TTC6: variants seen among roughly 807,000 people sequenced by gnomAD.
TTC6 encodes the protein tetratricopeptide repeat protein 6.
A neutral mutation model predicts 210.4 loss-of-function variants in TTC6; 172 were observed. That is an observed-to-expected ratio of 0.82 (90% CI 0.72 to 0.93). The LOEUF is 0.93. Ranked by LOEUF, TTC6 falls within the 40% of genes least tolerant of loss-of-function variation. The probability of loss-of-function intolerance (pLI) is 0.00; values close to 1 mark genes in which losing one functional copy is unlikely to be tolerated. For missense variants in TTC6, 2,414 were observed against 2,318.1 expected, an observed-to-expected ratio of 1.04 and a Z score of -0.85; for synonymous variants, 804 against 819.6, an observed-to-expected ratio of 0.98 and a Z score of 0.32.
At chr14:37,623,057 T>A (rs2095654517) in intron 1 of TTC6, 54 bp downstream of exon 3, 2 of 1,298,602 alleles carry the variant, frequency 1.5e-6, no homozygotes, top group Non-Finnish European at 2.1e-6. Flanking sequence ...TTGGGTTACA[T>A]TACATATGTA....
At chr14:37,785,704 A>G (rs191660535) in intron 14 of TTC6, among the ~76,000 whole-genome samples, 1 of 152,248 alleles carries the variant, frequency 6.6e-6, no homozygotes, top group Admixed American at 6.5e-5. Context: ...GAGGTGCTCT[A>G]ATTTTTAGAA....
In TTC6 at chr14:37,757,422, G is replaced by A. The variant is rs1202063585; in HGVS notation, c.3266+4187G>A. Among the ~76,000 whole-genome samples the A allele has an allele frequency of 4.0e-5, 6 of 151,770 alleles. No homozygotes were observed. In the South Asian group the frequency reaches 6.3e-4, roughly 16 times the overall value. ...ACTACAGGTGTCTGCCACCATGCCC[G>A]GCTAATTTTTTATTTTTATTTTTTG... On this transcript the variant is annotated intron_variant, in intron 14 of 30. Transcript: ENST00000553443.
chr14:37,658,958 T>C (rs1277332332), intron 1 of TTC6, among the ~76,000 whole-genome samples: 1 of 152,082 alleles, frequency 6.6e-6, no homozygotes, highest in African/African-American at 2.4e-5. Context: ...CCAGTATCTG[T>C]TGCTCCCTTG....
intron 1 of TTC6, among the ~76,000 whole-genome samples, chr14:37,653,322 C>G (rs2095716249): frequency 6.6e-6 from 1 of 152,210 alleles, no homozygotes; most frequent in African/African-American, 2.4e-5. Flanking sequence ...TCCTTTCATT[C>G]CAACATCCTT....
chr14:37,830,733 A>T (rs994920005), intron 29 of TTC6, among the ~76,000 whole-genome samples: 7 of 127,244 alleles, frequency 5.5e-5, no homozygotes, highest in Admixed American at 4.5e-4. Context: ...TTCCTTAAAA[A>T]TTTTTTTCTA....
At chr14:37,770,311 T>C (rs2139173891) in intron 14 of TTC6, among the ~76,000 whole-genome samples, 1 of 152,316 alleles carries the variant, frequency 6.6e-6, no homozygotes, top group South Asian at 2.1e-4. Context: ...TGTAGATGTC[T>C]ATTAGGTCTG....
chr14:37,604,522 A>C (rs969913905), intron 1 of TTC6, among the ~76,000 whole-genome samples: 1 of 152,032 alleles, frequency 6.6e-6, no homozygotes, highest in African/African-American at 2.4e-5. Flanking sequence ...GGCTCCTGAG[A>C]GTATTGTCGG....
intron 16 of TTC6, among the ~76,000 whole-genome samples, chr14:37,791,087 A>G (rs1322334661): frequency 2.0e-5 from 3 of 152,310 alleles, no homozygotes; most frequent in South Asian, 2.1e-4. Context: ...CAGGAGTTAA[A>G]TCTATGGATA....
intron 5 of TTC6, among the ~76,000 whole-genome samples, chr14:37,707,535 T>G (rs533690587): frequency 6.6e-6 from 1 of 152,208 alleles, no homozygotes; most frequent in East Asian, 1.9e-4. Flanking sequence ...GAGACTGCTA[T>G]GGCATTTACA....
intron 14 of TTC6, among the ~76,000 whole-genome samples, chr14:37,769,455 T>C (rs2096010698): frequency 6.6e-6 from 1 of 152,132 alleles, no homozygotes. Context: ...GTTGGTAAGC[T>C]ATTGATTATT....
chr14:37,730,346 T>G (rs1254842206), intron 7 of TTC6, among the ~76,000 whole-genome samples: 1 of 152,218 alleles, frequency 6.6e-6, no homozygotes, highest in Non-Finnish European at 1.5e-5. Context: ...ATTTTCATGG[T>G]TATTTAAAAA....
At chr14:37,821,659 T>TA (rs1479355861) in intron 26 of TTC6, among the ~76,000 whole-genome samples, 1 of 151,816 alleles carries the variant, frequency 6.6e-6, no homozygotes, top group Non-Finnish European at 1.5e-5. Context: ...GGACAAGCAT[T>TA]AAAAAAATAC....
chr14:37,801,941 A>G (rs1235890711), intron 20 of TTC6, among the ~76,000 whole-genome samples: 1 of 152,358 alleles, frequency 6.6e-6, no homozygotes, highest in African/African-American at 2.4e-5. Context: ...AGATACATGC[A>G]TGTGTATGTT....
chr14:37,622,540 T>C (rs1296958983), exon 1 of TTC6: 2 of 1,535,000 alleles, frequency 1.3e-6, no homozygotes, highest in South Asian at 2.4e-5. Flanking sequence ...GAGCCACCCG[T>C]GAAGCGCAGA....
At chr14:37,740,472 T>A (rs961133099) in intron 10 of TTC6, among the ~76,000 whole-genome samples, 1 of 110,976 alleles carries the variant, frequency 9.0e-6, no homozygotes, top group African/African-American at 2.8e-5. Flanking sequence ...ACTTTCCTGA[T>A]GGTAAGAGAA....
At position 37,826,424 on chromosome 14, in the gene TTC6, CT is replaced by C. The variant is rs2096171768; in HGVS notation, c.5127+78del. 3 of 1,280,778 alleles carry C rather than the reference CT, an allele frequency of 2.3e-6. No individual in the cohort carries two copies. The East Asian group carries it at 7.8e-5, about 33-fold the overall frequency. The allele number at this position is 1,280,778 out of a possible 1,614,324, so 79.3% of individuals were successfully genotyped here. ...TGAATAGGTGCAAGTAAGAAGTTCT[CT>C]GTTAGCTTTTTAAAGTGACTTATGG... is the stretch of plus-strand genomic sequence containing the variant. On this transcript the variant is annotated intron_variant, in intron 28 of 30. Transcript: ENST00000553443.
intron 26 of TTC6, among the ~76,000 whole-genome samples, chr14:37,817,953 G>T (rs551856226): frequency 1.3e-5 from 2 of 152,144 alleles, no homozygotes; most frequent in South Asian, 2.1e-4. Context: ...GGAAAGGATC[G>T]TGGCAATATG....
At chr14:37,600,668 G>A (rs570973754) in intron 1 of TTC6, among the ~76,000 whole-genome samples, 7 of 152,218 alleles carry the variant, frequency 4.6e-5, no homozygotes, top group African/African-American at 1.7e-4. Context: ...ATATTCTGCC[G>A]GAAGTTTTTC....
At chr14:37,811,287 G>T (rs2096129000) in intron 24 of TTC6, among the ~76,000 whole-genome samples, 2 of 152,054 alleles carry the variant, frequency 1.3e-5, no homozygotes, top group South Asian at 2.1e-4. Flanking sequence ...TCTAGGTTTG[G>T]TTTTTTCTTT....
Sources: gnomAD v4.1 joint callset for allele counts (sites outside exome capture counted in the v4.1 genomes callset) on GRCh38, gnomAD v4.1.1 for gene constraint, MANE v1.5 for transcripts, NCBI Gene and HGNC (gene_info 2026-07-23, HGNC 2026-07-21) for gene names.